AKAP6: variants seen among roughly 807,000 people sequenced by gnomAD.
AKAP6 encodes A-kinase anchor protein 6.
In AKAP6, 58 loss-of-function variants were observed where a neutral mutation model predicts 188.5. That is an observed-to-expected ratio of 0.31 (90% CI 0.25 to 0.38). AKAP6 has a LOEUF of 0.38. AKAP6 is among the 10% of genes least tolerant of loss of function. The pLI, the probability that AKAP6 is intolerant of heterozygous loss-of-function variation, is 1.00. For synonymous variants in AKAP6, 989 were observed against 998.6 expected (o/e 0.99, Z 0.18); for missense variants, 2,710 against 2,740.0 (o/e 0.99, Z 0.24).
chr14:32,475,968 C>T (rs1456027326), intron 2 of AKAP6, among the ~76,000 whole-genome samples: 5 of 152,084 alleles, frequency 3.3e-5, no homozygotes, highest in Admixed American at 2.0e-4. Flanking sequence ...CAGGCGTGAG[C>T]CACTGCGCCT....
At chr14:32,431,643 G>A (rs1231536658) in intron 1 of AKAP6, among the ~76,000 whole-genome samples, 1 of 152,138 alleles carries the variant, frequency 6.6e-6, no homozygotes, top group Non-Finnish European at 1.5e-5. Flanking sequence ...CTCCTGAGTA[G>A]CTGGGATTAC....
chr14:32,383,668 G>A (rs965850218), intron 1 of AKAP6, among the ~76,000 whole-genome samples: 1 of 152,120 alleles, frequency 6.6e-6, no homozygotes, highest in Non-Finnish European at 1.5e-5. Context: ...GAGCTCCCTG[G>A]GGATGGGGAG....
intron 10 of AKAP6, chr14:32,733,424 A>G (rs1480827536): frequency 6.6e-6 from 1 of 152,180 alleles, no homozygotes; most frequent in Non-Finnish European, 1.5e-5. Context: ...AATTAATTAT[A>G]ACAGCCAAGT....
chr14:32,811,810 G>A (rs1348715677), intron 12 of AKAP6, among the ~76,000 whole-genome samples: 1 of 152,098 alleles, frequency 6.6e-6, no homozygotes, highest in Non-Finnish European at 1.5e-5. Context: ...TGTTGGCAAA[G>A]CTCTCCTTGT....
chr14:32,616,005 C>G (rs867092067), intron 7 of AKAP6, among the ~76,000 whole-genome samples: 2 of 152,124 alleles, frequency 1.3e-5, no homozygotes, highest in African/African-American at 4.8e-5. Flanking sequence ...TCTTGGTTAC[C>G]AAATAAGTCC....
intron 12 of AKAP6, among the ~76,000 whole-genome samples, chr14:32,785,774 C>A (rs984856345): frequency 6.6e-6 from 1 of 152,100 alleles, no homozygotes; most frequent in East Asian, 1.9e-4. Context: ...CAGATTCTTA[C>A]GTCATCTGTA....
chr14:32,364,904 T>G (rs1008433409), intron 1 of AKAP6, among the ~76,000 whole-genome samples: 10 of 152,120 alleles, frequency 6.6e-5, no homozygotes, highest in Non-Finnish European at 1.5e-4. Flanking sequence ...GGCATGTAAT[T>G]TATAAGAAAA....
chr14:32,654,865 AG>A (rs1480094825), intron 7 of AKAP6, among the ~76,000 whole-genome samples: 1 of 147,110 alleles, frequency 6.8e-6, no homozygotes, highest in East Asian at 2.0e-4. Flanking sequence ...AAAAAAAAAA[AG>A]TATTATGAAG....
At chr14:32,801,172 A>G (rs2033937629) in intron 12 of AKAP6, among the ~76,000 whole-genome samples, 1 of 152,220 alleles carries the variant, frequency 6.6e-6, no homozygotes, top group South Asian at 2.1e-4. Context: ...AATATCTATC[A>G]CATTAGTAAC....
chr14:32,777,147 A>C (rs548094969), intron 12 of AKAP6, among the ~76,000 whole-genome samples: 3 of 152,340 alleles, frequency 2.0e-5, no homozygotes, highest in Non-Finnish European at 4.4e-5. Flanking sequence ...TTGCCCAAAA[A>C]AAACTTAAAA....
chr14:32,689,602 A>T (rs1459470927), intron 8 of AKAP6, among the ~76,000 whole-genome samples: 3 of 152,130 alleles, frequency 2.0e-5, no homozygotes, highest in African/African-American at 4.8e-5. Flanking sequence ...ATATGTTTAG[A>T]GTGGAAAGGG....
chr14:32,372,595 C>A (rs1204093140), intron 1 of AKAP6, among the ~76,000 whole-genome samples: 1 of 148,360 alleles, frequency 6.7e-6, no homozygotes, highest in Non-Finnish European at 1.5e-5. Flanking sequence ...AAGCTAGAGA[C>A]AAAGTAGAGG....
chr14:32,593,011 A>ACACACACAC (rs1555343002), intron 5 of AKAP6, among the ~76,000 whole-genome samples: 11 of 123,790 alleles, frequency 8.9e-5, no homozygotes, highest in Admixed American at 2.4e-4. Flanking sequence ...CCCCCACCCC[A>ACACACACAC]ACACACACAC....
intron 5 of AKAP6, among the ~76,000 whole-genome samples, chr14:32,579,824 A>T (rs946042205): frequency 1.3e-5 from 2 of 152,126 alleles, no homozygotes; most frequent in Admixed American, 6.5e-5. Context: ...AGAGATTTGT[A>T]TTCTTTAGTT....
intron 1 of AKAP6, among the ~76,000 whole-genome samples, chr14:32,389,330 C>A (rs1331605704): frequency 6.6e-6 from 1 of 152,014 alleles, no homozygotes; most frequent in Non-Finnish European, 1.5e-5. Flanking sequence ...AGCATTTAGG[C>A]CATTTACATT....
intron 12 of AKAP6, among the ~76,000 whole-genome samples, chr14:32,775,596 C>T (rs2033035307): frequency 6.6e-6 from 1 of 151,952 alleles, no homozygotes; most frequent in African/African-American, 2.4e-5. Flanking sequence ...GCATGTCTGC[C>T]TAATTTTTAT....
intron 7 of AKAP6, among the ~76,000 whole-genome samples, chr14:32,624,876 A>G (rs1190135721): frequency 2.6e-5 from 4 of 152,264 alleles, no homozygotes; most frequent in South Asian, 2.1e-4. Context: ...AAAGTGTGAC[A>G]TTCAAATCGT....
rs1885832235 is a variant in AKAP6, at chr14:32,599,394, A to T, written c.2470-16A>T. 6.2e-7 allele frequency: 1 copy of T among 1,604,198 alleles called. No individual in the cohort carries two copies. Among genetic ancestry groups the T allele is most frequent in the Non-Finnish European group, 8.5e-7 (1 of 1,174,188 alleles). ...ACTGCCTTGCCAGGGTTTAATGTTC[A>T]TATTTTTCCTTGCAGAGTTTTAAGT... On this transcript the variant is annotated splice_polypyrimidine_tract_variant and intron_variant, in intron 5 of 13. Coordinates refer to ENST00000280979, the MANE Select transcript of AKAP6 (RefSeq NM_004274.5).
At chr14:32,811,351 A>G (rs1209474741) in intron 12 of AKAP6, among the ~76,000 whole-genome samples, 1 of 151,776 alleles carries the variant, frequency 6.6e-6, no homozygotes, top group Admixed American at 6.6e-5. Flanking sequence ...TCTCTGAATG[A>G]CTTGTAATCA....
Sources: gnomAD v4.1 joint callset for allele counts (sites outside exome capture counted in the v4.1 genomes callset) on GRCh38, gnomAD v4.1.1 for gene constraint, MANE v1.5 for transcripts, NCBI Gene and HGNC (gene_info 2026-07-23, HGNC 2026-07-21) for gene names.